IL22RA1: variants seen among roughly 807,000 people sequenced by gnomAD.
The protein encoded by IL22RA1 is interleukin-22 receptor subunit alpha-1.
A neutral mutation model predicts 32.8 loss-of-function variants in IL22RA1; 25 were observed. That is an observed-to-expected ratio of 0.76 (90% CI 0.55 to 1.06). The LOEUF (loss-of-function observed/expected upper bound fraction) is 1.06, where lower values mean the gene tolerates loss of function less well. Among genes scored for constraint, IL22RA1 ranks in the 50% least tolerant of loss-of-function variants. The pLI is 0.00. For missense variants in IL22RA1, 709 were observed against 727.4 expected, an observed-to-expected ratio of 0.97 and a Z score of 0.29; for synonymous variants, 305 against 305.0, an observed-to-expected ratio of 1.00 and a Z score of 0.00.
intron 4 of IL22RA1, among the ~76,000 whole-genome samples, chr1:24,129,071 G>A (rs1034806367): frequency 3.3e-5 from 5 of 152,154 alleles, no homozygotes; most frequent in African/African-American, 1.2e-4. Flanking sequence ...TGCTGGAACT[G>A]TGTTTTGATT....
At chr1:24,142,476 G>T (rs937845650) in intron 1 of IL22RA1, among the ~76,000 whole-genome samples, 2 of 152,170 alleles carry the variant, frequency 1.3e-5, no homozygotes, top group African/African-American at 2.4e-5. Flanking sequence ...TTCCAAATGA[G>T]TCCTGTGTCT....
In IL22RA1 at chr1:24,121,026, C is replaced by G. The variant is rs775308000; in HGVS notation, c.1504G>C (p.Val502Leu). Reference sequence around the variant, plus strand: ...GACATGGGGTGGCCCTCGATCTGGACTGAGGAGAGGAGGGGGAGCTGGCCC... The same window carrying G: ...GACATGGGGTGGCCCTCGATCTGGAGTGAGGAGAGGAGGGGGAGCTGGCCC... ...LKGQLPLLSS[V>L]QIEGHPMSLP... is the part of the protein sequence containing the mutation. Residue 502 changes from valine to leucine, a missense_variant, in exon 7 of 7, where the codon GTC (valine) becomes CTC (leucine). By Grantham distance (32) the Val-to-Leu change is conservative. Transcript: ENST00000270800. 1 of 1,614,160 alleles carries G rather than the reference C, an allele frequency of 6.2e-7. No individual in the cohort carries two copies. Among genetic ancestry groups the G allele is most frequent in the Non-Finnish European group, 8.5e-7 (1 of 1,180,002 alleles).
At chr1:24,130,861 T>G (rs1335033166) in intron 4 of IL22RA1, among the ~76,000 whole-genome samples, 1 of 152,140 alleles carries the variant, frequency 6.6e-6, no homozygotes, top group African/African-American at 2.4e-5. Context: ...CCTGCCACCA[T>G]GCCCAGCTGA....
At chr1:24,125,225 AG>A (rs1158373625) in intron 5 of IL22RA1, among the ~76,000 whole-genome samples, 1 of 152,194 alleles carries the variant, frequency 6.6e-6, no homozygotes, top group Admixed American at 6.5e-5. Context: ...ACAGAGGGGT[AG>A]GGACGCTCCC....
intron 5 of IL22RA1, among the ~76,000 whole-genome samples, chr1:24,125,343 C>T (rs527934613): frequency 6.6e-6 from 1 of 152,156 alleles, no homozygotes; most frequent in African/African-American, 2.4e-5. Context: ...ATCCTCCCTG[C>T]CACTCTGCAA....
At chr1:24,131,768 T>TA (rs1418424035) in intron 4 of IL22RA1, among the ~76,000 whole-genome samples, 1 of 152,202 alleles carries the variant, frequency 6.6e-6, no homozygotes, top group Non-Finnish European at 1.5e-5. Context: ...CACCTTTACC[T>TA]AATTGATATT....
At chr1:24,132,035 G>A (rs115171624) in intron 4 of IL22RA1, among the ~76,000 whole-genome samples, 2,714 of 152,170 alleles carry the variant, frequency 0.018, 85 homozygotes, top group African/African-American at 0.063. Context: ...ATCTCTAGTG[G>A]CTCCCCCAAC....
Position 24,121,650 on chromosome 1 carries a change from T to G in IL22RA1, c.880A>C (p.Ser294Arg). The change falls in exon 7 of 7, where the codon AGT (serine) becomes CGT (arginine). Residue 294 changes from serine (S) to arginine (R), a missense_variant. Physicochemically the swap from Ser to Arg is moderately radical, Grantham distance 110. Coordinates refer to ENST00000270800, the MANE Select transcript of IL22RA1 (RefSeq NM_021258.4). The stretch of plus-strand genomic sequence containing the variant: ...GAGTACTGGACAGGCTGGGCCAGAC[T>G]GCTGGGGCCGCTGAGGTCAAAGACA... ...IPVFDLSGPS[S>R]LAQPVQYSQI... is the part of the protein sequence containing the mutation. The G allele has an allele frequency of 6.2e-7, 1 of 1,610,180 alleles. No individual in the cohort carries two copies. The highest frequency in any genetic ancestry group is 1.3e-5 in the African/African-American group (1 of 74,880).
intron 1 of IL22RA1, among the ~76,000 whole-genome samples, chr1:24,140,253 C>G (rs1254575928): frequency 6.6e-6 from 1 of 152,194 alleles, no homozygotes; most frequent in Non-Finnish European, 1.5e-5. Flanking sequence ...GAAGAACCTA[C>G]AATATTCATC....
At chr1:24,128,475 A>C (rs1644180494) in intron 4 of IL22RA1, among the ~76,000 whole-genome samples, 196 bp from the exon 5 acceptor site, 3 of 151,952 alleles carry the variant, frequency 2.0e-5, no homozygotes, top group South Asian at 2.1e-4. Context: ...TTTCACTTGC[A>C]ATAGTGTCTG....
intron 1 of IL22RA1, among the ~76,000 whole-genome samples, chr1:24,142,569 G>T (rs1016424106): frequency 1.3e-5 from 2 of 152,224 alleles, no homozygotes; most frequent in Admixed American, 6.5e-5. Context: ...GGCCAAAGAG[G>T]CCCTGCAGGG....
chr1:24,138,756 G>C, intron 1 of IL22RA1, 42 bp from the exon 2 acceptor site: 1 of 1,603,884 alleles, frequency 6.2e-7, no homozygotes, highest in Non-Finnish European at 8.5e-7. Context: ...GCTTTCCCAG[G>C]GTCACCCTGC....
intron 5 of IL22RA1, among the ~76,000 whole-genome samples, chr1:24,125,947 T>G (rs1644158316): frequency 6.6e-6 from 1 of 152,192 alleles, no homozygotes; most frequent in South Asian, 2.1e-4. Flanking sequence ...GTGATTTATA[T>G]AAAAGCTATA....
At chr1:24,122,153 C>T (rs1174491535) in intron 6 of IL22RA1, among the ~76,000 whole-genome samples, 1 of 152,116 alleles carries the variant, frequency 6.6e-6, no homozygotes, top group African/African-American at 2.4e-5. Context: ...ACCGGGAGAG[C>T]TTTACAGAAA....
rs146841813 is a variant in IL22RA1, at chr1:24,120,900, T to C, written c.1630A>G (p.Lys544Glu). Residue 544 changes from lysine to glutamate, a missense_variant, in exon 7 of 7, where the codon AAG (lysine) becomes GAG (glutamate). Coordinates refer to ENST00000270800, the MANE Select transcript of IL22RA1 (RefSeq NM_021258.4). ...ESLVCPKDEA[K>E]SPAPETSDLE... is the part of the protein sequence containing the mutation. Reference sequence around the variant, plus strand: ...TCTGAGGTCTCAGGGGCTGGGCTCTTGGCTTCATCCTTGGGACACACAAGG... The same window carrying C: ...TCTGAGGTCTCAGGGGCTGGGCTCTCGGCTTCATCCTTGGGACACACAAGG... 1.6e-5 allele frequency: 26 copies of C among 1,614,102 alleles called. No homozygotes were observed. The highest frequency in any genetic ancestry group is 2.2e-5 in the Non-Finnish European group (26 of 1,180,038).
chr1:24,139,498 T>C (rs536011759), intron 1 of IL22RA1, among the ~76,000 whole-genome samples: 1 of 152,326 alleles, frequency 6.6e-6, no homozygotes, highest in East Asian at 1.9e-4. Context: ...CTTTAACCTT[T>C]TGAAGAACTG....
intron 5 of IL22RA1, among the ~76,000 whole-genome samples, chr1:24,127,632 A>G (rs754834977): frequency 1.2e-4 from 19 of 152,024 alleles, no homozygotes; most frequent in Non-Finnish European, 2.4e-4. Context: ...TTACCTAACC[A>G]CTCTGAACCT....
intron 4 of IL22RA1, among the ~76,000 whole-genome samples, chr1:24,130,736 A>G (rs550603877): frequency 4.6e-5 from 7 of 152,302 alleles, no homozygotes; most frequent in African/African-American, 1.4e-4. Context: ...ACACAGTCTT[A>G]CTCTGTCACC....
At chr1:24,122,020 T>C (rs1644127610) in intron 6 of IL22RA1, among the ~76,000 whole-genome samples, 4 of 152,244 alleles carry the variant, frequency 2.6e-5, no homozygotes, top group African/African-American at 9.6e-5. Context: ...AGGGAGTAGA[T>C]GACCAGGATT....
Sources: gnomAD v4.1 joint callset for allele counts (sites outside exome capture counted in the v4.1 genomes callset) on GRCh38, gnomAD v4.1.1 for gene constraint, MANE v1.5 for transcripts, NCBI Gene and HGNC (gene_info 2026-07-23, HGNC 2026-07-21) for gene names.